CALD1: variants seen among roughly 807,000 people sequenced by gnomAD.
CALD1 encodes caldesmon 1, also known as caldesmon.
In CALD1, 33 loss-of-function variants were observed where a neutral mutation model predicts 99.9. The observed-to-expected ratio is 0.33, with a 90% confidence interval of 0.25 to 0.44. CALD1 has a LOEUF of 0.44. CALD1 is among the 20% of genes least tolerant of loss of function. The pLI is 1.00. For missense variants in CALD1, 861 were observed against 962.1 expected (o/e 0.89, Z 1.39); for synonymous variants, 310 against 325.0 (o/e 0.95, Z 0.50).
intron 9 of CALD1, among the ~76,000 whole-genome samples, chr7:134,953,528 A>T (rs1807525785): frequency 1.3e-5 from 2 of 151,870 alleles, no homozygotes; most frequent in African/African-American, 4.8e-5. Flanking sequence ...CAAAAAAAAA[A>T]AAAGAAAAGA....
chr7:134,813,898 G>A (rs999221280), intron 1 of CALD1, among the ~76,000 whole-genome samples: 1 of 152,162 alleles, frequency 6.6e-6, no homozygotes, highest in Non-Finnish European at 1.5e-5. Context: ...GGTAAAGGAC[G>A]GTGGGTGGCT....
chr7:134,723,051 G>A, the CALD1 span, among the ~76,000 whole-genome samples: 2 of 152,106 alleles, frequency 1.3e-5, no homozygotes, highest in African/African-American at 4.8e-5. Context: ...GCACTAACAC[G>A]GATTGGTTTC....
At chr7:134,724,432 A>C in the CALD1 span, among the ~76,000 whole-genome samples, 1 of 152,182 alleles carries the variant, frequency 6.6e-6, no homozygotes, top group Non-Finnish European at 1.5e-5. Flanking sequence ...AGAAAGATAT[A>C]AGTCTGAACC....
chr7:134,862,999 T>C (rs1021401358), intron 2 of CALD1, among the ~76,000 whole-genome samples: 2 of 152,192 alleles, frequency 1.3e-5, no homozygotes, highest in Non-Finnish European at 2.9e-5. Context: ...CTTGTCTCCA[T>C]TTTCTCATGG....
chr7:134,722,847 T>C, the CALD1 span, among the ~76,000 whole-genome samples: 1 of 152,172 alleles, frequency 6.6e-6, no homozygotes, highest in Admixed American at 6.5e-5. Context: ...ATTAGATATA[T>C]AGTGGAAAGG....
intron 1 of CALD1, among the ~76,000 whole-genome samples, chr7:134,789,648 G>C (rs149673783): frequency 3.9e-5 from 6 of 152,222 alleles, no homozygotes; most frequent in Admixed American, 1.3e-4. Flanking sequence ...ACCTGTTAGC[G>C]TGGGGCTTAG....
intron 9 of CALD1, among the ~76,000 whole-genome samples, chr7:134,956,448 AG>A (rs1807780055): frequency 6.6e-6 from 1 of 152,214 alleles, no homozygotes; most frequent in Non-Finnish European, 1.5e-5. Flanking sequence ...TAATGGGATT[AG>A]TGCCCTTGTA....
chr7:134,909,716 A>G (rs1184365798), intron 3 of CALD1, among the ~76,000 whole-genome samples: 2 of 152,208 alleles, frequency 1.3e-5, no homozygotes, highest in East Asian at 3.8e-4. Context: ...TTCGTTTGGA[A>G]GTGCAGACTG....
the CALD1 span, among the ~76,000 whole-genome samples, chr7:134,732,162 C>T: frequency 1.3e-5 from 2 of 152,202 alleles, no homozygotes; most frequent in Non-Finnish European, 2.9e-5. Context: ...CCTAACAGGT[C>T]TCTCTGCTTT....
At chr7:134,727,013 A>G in the CALD1 span, among the ~76,000 whole-genome samples, 1 of 152,202 alleles carries the variant, frequency 6.6e-6, no homozygotes, top group Admixed American at 6.5e-5. Context: ...GCTTCTTTGC[A>G]CTACTAGAAG....
the CALD1 span, among the ~76,000 whole-genome samples, chr7:134,725,456 G>A: frequency 6.6e-6 from 1 of 152,138 alleles, no homozygotes; most frequent in Non-Finnish European, 1.5e-5. Context: ...GTGATTTAGG[G>A]CAGGATTTGC....
intron 1 of CALD1, among the ~76,000 whole-genome samples, chr7:134,767,058 A>T (rs929923406): frequency 6.6e-6 from 1 of 152,182 alleles, no homozygotes; most frequent in Non-Finnish European, 1.5e-5. Flanking sequence ...ACCAACAGAG[A>T]GACGAAAGAG....
chr7:134,790,204 G>C (rs931888940), intron 1 of CALD1, among the ~76,000 whole-genome samples: 1 of 152,020 alleles, frequency 6.6e-6, no homozygotes, highest in African/African-American at 2.4e-5. Flanking sequence ...GAACTTGGGA[G>C]AGAGACTGAA....
At chr7:134,867,567 C>T (rs1016996521) in intron 2 of CALD1, 126 bp from the exon 3 acceptor site, 3 of 451,718 alleles carry the variant, frequency 6.6e-6, no homozygotes, top group African/African-American at 4.0e-5. Flanking sequence ...CACTGGCTAC[C>T]TTATCAGCTT....
At chr7:134,887,813 T>C (rs9769833) in intron 3 of CALD1, among the ~76,000 whole-genome samples, 1 of 151,952 alleles carries the variant, frequency 6.6e-6, no homozygotes, top group Admixed American at 6.6e-5. Flanking sequence ...TGTATGTGTG[T>C]GCATGTGTGC....
intron 9 of CALD1, among the ~76,000 whole-genome samples, chr7:134,957,567 G>A (rs1252798115): frequency 5.3e-5 from 8 of 152,122 alleles, no homozygotes; most frequent in East Asian, 1.9e-4. Flanking sequence ...CTACAGGCGC[G>A]TGTCACCACA....
the CALD1 span, among the ~76,000 whole-genome samples, chr7:134,735,648 T>G: frequency 6.6e-6 from 1 of 151,770 alleles, no homozygotes; most frequent in South Asian, 2.1e-4. Context: ...GAAATAAATT[T>G]ACATACTTAT....
At chr7:134,813,489 C>A (rs959427509) in intron 1 of CALD1, among the ~76,000 whole-genome samples, 1 of 152,098 alleles carries the variant, frequency 6.6e-6, no homozygotes, top group South Asian at 2.1e-4. Flanking sequence ...TAGGGTTGAC[C>A]TTCAATAGGA....
intron 1 of CALD1, among the ~76,000 whole-genome samples, chr7:134,780,053 A>G (rs370401661): frequency 2.6e-5 from 4 of 152,304 alleles, no homozygotes; most frequent in African/African-American, 9.6e-5. Flanking sequence ...CAGCCATATG[A>G]GATTATACCT....
Sources: gnomAD v4.1 joint callset for allele counts (sites outside exome capture counted in the v4.1 genomes callset) on GRCh38, gnomAD v4.1.1 for gene constraint, MANE v1.5 for transcripts, NCBI Gene and HGNC (gene_info 2026-07-23, HGNC 2026-07-21) for gene names.